CA1: variants seen among roughly 807,000 people sequenced by gnomAD.
CA1 encodes carbonic anhydrase 1.
In CA1, 27 loss-of-function variants were observed where a neutral mutation model predicts 28.8. That is an observed-to-expected ratio of 0.94 (90% CI 0.69 to 1.29). The LOEUF (loss-of-function observed/expected upper bound fraction) is 1.29. Among genes scored for constraint, CA1 ranks in the 50% most tolerant of loss-of-function variants. The pLI is 0.00. For synonymous variants in CA1, 121 were observed against 108.8 expected (o/e 1.11, Z -0.70); for missense variants, 335 against 310.5 (o/e 1.08, Z -0.59).
At chr8:85,341,726 C>G in intron 1 of CA1, 67 bp from the exon 2 acceptor site, 1 of 862,672 alleles carries the variant, frequency 1.2e-6, no homozygotes, top group Non-Finnish European at 2.0e-6. Flanking sequence ...CCTTAAATCC[C>G]TGCTTGGGCG....
chr8:85,371,624 C>T (rs1397532349), intron 1 of CA1, among the ~76,000 whole-genome samples: 1 of 152,088 alleles, frequency 6.6e-6, no homozygotes, highest in African/African-American at 2.4e-5. Flanking sequence ...CCACCCAATA[C>T]AAATATTTGT....
intron 1 of CA1, among the ~76,000 whole-genome samples, chr8:85,353,199 C>T (rs1050412947): frequency 5.3e-5 from 8 of 152,210 alleles, no homozygotes; most frequent in African/African-American, 1.4e-4. Flanking sequence ...ACTAACATGA[C>T]GCTATAGACT....
intron 1 of CA1, among the ~76,000 whole-genome samples, chr8:85,373,985 A>G (rs753348853): frequency 6.6e-6 from 1 of 152,152 alleles, no homozygotes; most frequent in Admixed American, 6.5e-5. Flanking sequence ...GGAAAGATGA[A>G]AAAGTTCTGG....
chr8:85,373,435 C>T (rs1221484256), intron 1 of CA1: 1 of 152,164 alleles, frequency 6.6e-6, no homozygotes, highest in Non-Finnish European at 1.5e-5. Context: ...CATCTCATCA[C>T]AGAGGCATCA....
At chr8:85,356,561 A>G (rs1809613831) in intron 1 of CA1, among the ~76,000 whole-genome samples, 1 of 152,328 alleles carries the variant, frequency 6.6e-6, no homozygotes, top group Admixed American at 6.5e-5. Context: ...CATTTAGTAT[A>G]TTCACTTTAG....
At chr8:85,369,118 CACCTCAGTTAA>C (rs909843358) in intron 1 of CA1, among the ~76,000 whole-genome samples, 2 of 152,164 alleles carry the variant, frequency 1.3e-5, no homozygotes, top group Non-Finnish European at 2.9e-5. Context: ...GAATCTCCCC[CACCTCAGTTAA>C]ACTGCGCATC....
chr8:85,338,095 G>A (rs140523950), intron 3 of CA1, 157 bp downstream of exon 3: 21 of 754,020 alleles, frequency 2.8e-5, no homozygotes, highest in African/African-American at 2.2e-4. Flanking sequence ...TTACCACCTG[G>A]GCGTTTTCCA....
At chr8:85,334,239 C>G (rs1808543268) in intron 4 of CA1, among the ~76,000 whole-genome samples, 1 of 152,178 alleles carries the variant, frequency 6.6e-6, no homozygotes, top group Non-Finnish European at 1.5e-5. Flanking sequence ...CTTGCCAAAC[C>G]TGCTTAATTT....
intron 3 of CA1, 47 bp downstream of exon 3, chr8:85,338,205 C>T (rs759917946): frequency 2.7e-6 from 4 of 1,473,030 alleles, no homozygotes; most frequent in Non-Finnish European, 3.8e-6. Context: ...TTTAAATTTT[C>T]CCAGTAGACT....
rs112280196 is a variant in CA1, at chr8:85,349,008, A to G, written c.-24-7349T>C. ...CTGATCAGCCTTGAAATCAAGGGACATAATCTGACCCCCTCACCCCGGGGT... is the reference window on the plus strand; with the variant it reads ...CTGATCAGCCTTGAAATCAAGGGACGTAATCTGACCCCCTCACCCCGGGGT... On this transcript the variant is annotated intron_variant, in intron 1 of 7. Transcript: ENST00000523022. Among the ~76,000 whole-genome samples the G allele has an allele frequency of 4.6e-3, 701 of 152,330 alleles. 7 individuals carry two copies. The highest frequency in any genetic ancestry group is 0.016 in the African/African-American group (655 of 41,572).
In CA1 at chr8:85,355,582, G is replaced by A. The variant is rs2432084; in HGVS notation, c.-24-13923C>T. Among the ~76,000 whole-genome samples the A allele has an allele frequency of 9.8e-3, 1,220 of 124,012 alleles. 10 individuals are homozygous for A. The highest frequency in any genetic ancestry group is 0.05 in the East Asian group (213 of 4,248). 81.4% of individuals were successfully genotyped at this position (124,012 alleles called of 152,430 possible). A position where few individuals can be genotyped will look rare whatever the true frequency, so the allele number is the denominator to read the frequency against. ...TTTTTTTTTTTTTTTTTTACTTTCA[G>A]TAGAGACAGAGTCTTGCTATTTTGC... is the stretch of plus-strand genomic sequence containing the variant. On this transcript the variant is annotated intron_variant, in intron 1 of 7. Coordinates refer to ENST00000523022, the MANE Select transcript of CA1 (RefSeq NM_001128831.4).
chr8:85,369,125 G>C (rs922885882), intron 1 of CA1, among the ~76,000 whole-genome samples: 3 of 152,110 alleles, frequency 2.0e-5, no homozygotes. Flanking sequence ...CCCCACCTCA[G>C]TTAAACTGCG....
intron 1 of CA1, among the ~76,000 whole-genome samples, chr8:85,370,640 A>T (rs1398701833): frequency 6.6e-6 from 1 of 152,166 alleles, no homozygotes; most frequent in Non-Finnish European, 1.5e-5. Context: ...AAGTAATTTC[A>T]ATTTTCTAAA....
At chr8:85,376,797 A>G (rs1032691010) in intron 1 of CA1, among the ~76,000 whole-genome samples, 4 of 152,210 alleles carry the variant, frequency 2.6e-5, no homozygotes, top group African/African-American at 9.6e-5. Context: ...TGCCCAGCAG[A>G]TTGACTTTCG....
At chr8:85,347,540 C>T (rs550250664) in intron 1 of CA1, among the ~76,000 whole-genome samples, 41 of 152,210 alleles carry the variant, frequency 2.7e-4, no homozygotes, top group African/African-American at 8.7e-4. Context: ...GTGGGCTGGC[C>T]GCAAGTGAGG....
Position 85,338,777 on chromosome 8 carries a change from G to A in CA1, c.38-328C>T, listed in dbSNP as rs141077260. The stretch of plus-strand genomic sequence containing the variant: ...CACCCAGGCTGGAGTGCAGTGATGC[G>A]CTCTTGGCTCACTGCAACCTCTGCC... On this transcript the variant is annotated intron_variant, in intron 2 of 7. Coordinates refer to ENST00000523022, the MANE Select transcript of CA1 (RefSeq NM_001128831.4). Among the ~76,000 whole-genome samples the A allele has an allele frequency of 9.0e-4, 127 of 141,456 alleles. 1 individual carries two copies. The highest frequency in any genetic ancestry group is 3.0e-3 in the African/African-American group (114 of 37,554). The allele number at this position is 141,456 out of a possible 152,430, so 92.8% of individuals were successfully genotyped here.
intron 1 of CA1, among the ~76,000 whole-genome samples, chr8:85,369,268 AC>A (rs145033359): frequency 0.025 from 3,851 of 152,082 alleles, 173 homozygotes; most frequent in African/African-American, 0.088. Flanking sequence ...TTGCCCTGCT[AC>A]CCCCTTATTT....
intron 1 of CA1, among the ~76,000 whole-genome samples, chr8:85,355,549 C>CTTTTTTTT (rs11353842): frequency 1.1e-4 from 12 of 108,692 alleles, no homozygotes; most frequent in Non-Finnish European, 1.9e-4. Flanking sequence ...TGTCTAGTTC[C>CTTTTTTTT]TTTTTTTTTT....
intron 1 of CA1, among the ~76,000 whole-genome samples, chr8:85,357,979 A>T (rs1211798803): frequency 6.6e-6 from 1 of 152,206 alleles, no homozygotes; most frequent in Non-Finnish European, 1.5e-5. Context: ...TTGTTTTTGA[A>T]TGTCAACTAA....
Sources: allele counts gnomAD v4.1 joint callset (sites outside exome capture counted in the v4.1 genomes callset), GRCh38; gene constraint gnomAD v4.1.1; transcripts MANE v1.5; gene names NCBI Gene and HGNC (gene_info 2026-07-23, HGNC 2026-07-21).